Variants in ST3GAL3 observed in about 807,000 individuals in gnomAD.
ST3GAL3 encodes ST3 beta-galactoside alpha-2,3-sialyltransferase 3.
ST3GAL3 carries 21 observed loss-of-function variants against 50.1 expected under a neutral mutation model. The ratio of observed to expected loss-of-function variants is 0.42; its 90% CI spans 0.30 to 0.60. The LOEUF (loss-of-function observed/expected upper bound fraction) is 0.60. Ranked by LOEUF, ST3GAL3 falls within the 20% of genes least tolerant of loss-of-function variation. The pLI is 0.19. For synonymous variants in ST3GAL3, 183 were observed against 190.0 expected, an observed-to-expected ratio of 0.96 and a Z score of 0.30; for missense variants, 353 against 489.4, an observed-to-expected ratio of 0.72 and a Z score of 2.63.
At chr1:43,847,060 A>G (rs946776261) in intron 5 of ST3GAL3, among the ~76,000 whole-genome samples, 2 of 152,202 alleles carry the variant, frequency 1.3e-5, no homozygotes, top group African/African-American at 4.8e-5. Flanking sequence ...CAATGTTACT[A>G]ATCACTAGGG....
At chr1:43,866,668 T>A (rs1425817018) in intron 5 of ST3GAL3, among the ~76,000 whole-genome samples, 4 of 151,904 alleles carry the variant, frequency 2.6e-5, no homozygotes, top group Non-Finnish European at 2.9e-5. Context: ...ATACATAAAC[T>A]GAGAACATGA....
At position 43,749,910 on chromosome 1, in the gene ST3GAL3, G is replaced by A. The variant is rs144795098; in HGVS notation, c.118+13530G>A. On this transcript the variant is annotated intron_variant, in intron 2 of 11. Transcript: ENST00000347631. ...GTTTTTCCCTTCCTGTGGATGCACCGTTTTAAGGTGCCCTCTTGGAAGAGA... is the reference window on the plus strand; with the variant it reads ...GTTTTTCCCTTCCTGTGGATGCACCATTTTAAGGTGCCCTCTTGGAAGAGA... 1.4e-3 allele frequency among the ~76,000 whole-genome samples: 207 copies of A among 152,276 alleles called. 1 individual carries two copies. Among genetic ancestry groups the A allele is most frequent in the African/African-American group, 4.6e-3 (193 of 41,554 alleles).
At position 43,899,684 on chromosome 1, in the gene ST3GAL3, A is replaced by G; in HGVS notation, c.701A>G (p.Gln234Arg). Residue 234 changes from glutamine (Q) to arginine (R), a missense_variant, in exon 9 of 12, where the codon CAG becomes CGG. Gln to Arg is a conservative substitution (Grantham distance 43, BLOSUM62 1). Coordinates refer to ENST00000347631, the MANE Select transcript of ST3GAL3 (RefSeq NM_006279.5). The surrounding 1 kb of genome is among the most constrained non-coding windows in gnomAD (Gnocchi z 5.4). ...SLFVLAGFKW[Q>R]DFKWLKYIVY... ...TTTGTCCTCGCCGGCTTCAAGTGGC[A>G]GGACTTTAAGTGGTTGAAATACATC... The G allele has an allele frequency of 6.2e-7, 1 of 1,614,140 alleles. No individual in the cohort carries two copies. Among genetic ancestry groups the G allele is most frequent in the Admixed American group, 1.7e-5 (1 of 60,030 alleles).
intron 11 of ST3GAL3, chr1:43,921,302 T>C: frequency 1.9e-6 from 1 of 516,354 alleles, no homozygotes; most frequent in Non-Finnish European, 3.4e-6. Flanking sequence ...TCAGGACTTC[T>C]CCATATCTCT....
At chr1:43,903,615 C>G (rs776645917) in intron 9 of ST3GAL3, among the ~76,000 whole-genome samples, 1 of 152,172 alleles carries the variant, frequency 6.6e-6, no homozygotes. Flanking sequence ...GGTCCCTGGA[C>G]AGCCTTGACA....
intron 1 of ST3GAL3, among the ~76,000 whole-genome samples, chr1:43,717,519 G>A (rs1363405058): frequency 6.9e-6 from 1 of 145,708 alleles, no homozygotes; most frequent in Non-Finnish European, 1.5e-5. Context: ...TTTTTTTTGA[G>A]GTGGGGCCTT....
chr1:43,752,449 A>G (rs573007515), intron 2 of ST3GAL3, among the ~76,000 whole-genome samples: 3 of 152,306 alleles, frequency 2.0e-5, no homozygotes, highest in African/African-American at 7.2e-5. Context: ...CACCTGTTTC[A>G]TAGACTAAAT....
At chr1:43,740,920 A>G (rs537263336) in intron 2 of ST3GAL3, among the ~76,000 whole-genome samples, 1 of 150,388 alleles carries the variant, frequency 6.6e-6, no homozygotes, top group South Asian at 2.1e-4. Flanking sequence ...GAGGGAGGAA[A>G]GAAGGAAGGG....
chr1:43,794,846 A>G (rs2058506749), intron 3 of ST3GAL3, among the ~76,000 whole-genome samples: 1 of 152,212 alleles, frequency 6.6e-6, no homozygotes, highest in Admixed American at 6.5e-5. Flanking sequence ...CTTTCATAAA[A>G]AGTTCAAAAA....
At chr1:43,918,095 A>C (rs2154293243) in intron 9 of ST3GAL3, among the ~76,000 whole-genome samples, 1 of 148,562 alleles carries the variant, frequency 6.7e-6, no homozygotes, top group African/African-American at 2.5e-5. Flanking sequence ...GTGATAAAAT[A>C]GACATCTAAA....
At chr1:43,743,033 T>TG (rs1326077732) in intron 2 of ST3GAL3, among the ~76,000 whole-genome samples, 13 of 146,610 alleles carry the variant, frequency 8.9e-5, no homozygotes, top group Admixed American at 6.3e-4. Context: ...GAGCTTGCAG[T>TG]GAGCCGAGAT....
chr1:43,725,638 A>G (rs1672596938), intron 1 of ST3GAL3, among the ~76,000 whole-genome samples: 1 of 151,854 alleles, frequency 6.6e-6, no homozygotes, highest in African/African-American at 2.4e-5. Context: ...TACTCTTATT[A>G]AATTTAATTA....
chr1:43,821,044 A>G (rs1371255814), intron 4 of ST3GAL3, among the ~76,000 whole-genome samples: 1 of 152,152 alleles, frequency 6.6e-6, no homozygotes, highest in Non-Finnish European at 1.5e-5. Flanking sequence ...TTACTCTTTC[A>G]TTTAGCAGAT....
chr1:43,851,864 GT>G (rs1182844509), intron 5 of ST3GAL3, among the ~76,000 whole-genome samples: 4 of 152,162 alleles, frequency 2.6e-5, no homozygotes, highest in Non-Finnish European at 4.4e-5. Context: ...CACCAGCAAC[GT>G]GACTGGCCGC....
chr1:43,742,144 A>T (rs2154098334), intron 2 of ST3GAL3, among the ~76,000 whole-genome samples: 1 of 152,308 alleles, frequency 6.6e-6, no homozygotes, highest in African/African-American at 2.4e-5. Context: ...CTGGAGGTCA[A>T]GTCCTGTTGG....
chr1:43,721,626 C>CA (rs1403394470), intron 1 of ST3GAL3, among the ~76,000 whole-genome samples: 2 of 150,068 alleles, frequency 1.3e-5, no homozygotes. Flanking sequence ...TGTTTTGAGA[C>CA]AGAGTTTCGC....
intron 4 of ST3GAL3, among the ~76,000 whole-genome samples, chr1:43,818,936 G>A (rs931058058): frequency 6.6e-6 from 1 of 152,148 alleles, no homozygotes; most frequent in African/African-American, 2.4e-5. Flanking sequence ...TTGGCAAAGG[G>A]CCAAATGGTA....
At chr1:43,808,375 A>G (rs1014544203) in intron 3 of ST3GAL3, among the ~76,000 whole-genome samples, 1 of 151,578 alleles carries the variant, frequency 6.6e-6, no homozygotes, top group Non-Finnish European at 1.5e-5. Context: ...TTTGGGCGCA[A>G]TGGAAAGATA....
chr1:43,817,530 T>TCTTCTC, intron 4 of ST3GAL3, among the ~76,000 whole-genome samples: 1 of 150,056 alleles, frequency 6.7e-6, no homozygotes, highest in Non-Finnish European at 1.5e-5. Context: ...TCTTCTTCCT[T>TCTTCTC]CTTCTCCTTC....
Sources: allele counts gnomAD v4.1 joint callset (sites outside exome capture counted in the v4.1 genomes callset), GRCh38; gene constraint gnomAD v4.1.1; non-coding constraint Gnocchi (gnomAD v3.1); transcripts MANE v1.5; gene names NCBI Gene and HGNC (gene_info 2026-07-23, HGNC 2026-07-21).